Variants in HS3ST4 observed in about 807,000 individuals in gnomAD.
The protein encoded by HS3ST4 is heparan sulfate-glucosamine 3-sulfotransferase 4.
A neutral mutation model predicts 29.2 loss-of-function variants in HS3ST4; 17 were observed. The observed-to-expected ratio is 0.58, with a 90% CI of 0.40 to 0.87. The LOEUF (loss-of-function observed/expected upper bound fraction) is 0.87, where lower values mean the gene tolerates loss of function less well. HS3ST4 is among the 40% of genes least tolerant of loss of function. The pLI, the probability that HS3ST4 is intolerant of heterozygous loss-of-function variation, is 0.00. For missense variants in HS3ST4, 627 were observed against 634.5 expected, an observed-to-expected ratio of 0.99 and a Z score of 0.13; for synonymous variants, 314 against 285.7, an observed-to-expected ratio of 1.10 and a Z score of -1.00.
At chr16:25,737,645 A>G (rs149959207) in intron 1 of HS3ST4, among the ~76,000 whole-genome samples, 1,814 of 152,288 alleles carry the variant, frequency 0.012, 24 homozygotes, top group Non-Finnish European at 0.019. Context: ...AATGTACATT[A>G]CTTGAGTAAT....
At chr16:25,899,962 C>G (rs1968106317) in intron 1 of HS3ST4, among the ~76,000 whole-genome samples, 2 of 152,140 alleles carry the variant, frequency 1.3e-5, no homozygotes, top group African/African-American at 2.4e-5. Flanking sequence ...ATGAAGCTGC[C>G]AGGCCAACCC....
chr16:25,925,829 G>A (rs987059723), intron 1 of HS3ST4, among the ~76,000 whole-genome samples: 7 of 152,050 alleles, frequency 4.6e-5, no homozygotes, highest in Non-Finnish European at 7.4e-5. Context: ...CCCATGCCTC[G>A]TGGCTTGACA....
chr16:26,112,508 A>G (rs1377969193), intron 1 of HS3ST4, among the ~76,000 whole-genome samples: 1 of 151,574 alleles, frequency 6.6e-6, no homozygotes, highest in Non-Finnish European at 1.5e-5. Context: ...AAAGTGAACT[A>G]CTAGCTATGA....
chr16:25,905,348 T>TG (rs11403274), intron 1 of HS3ST4, among the ~76,000 whole-genome samples: 10,689 of 151,410 alleles, frequency 0.071, 645 homozygotes, highest in Admixed American at 0.2. Flanking sequence ...GGGCGGAGGG[T>TG]GGGGCAGGTG....
intron 1 of HS3ST4, among the ~76,000 whole-genome samples, chr16:26,088,537 A>G (rs747824845): frequency 7.2e-5 from 11 of 152,158 alleles, no homozygotes; most frequent in Non-Finnish European, 1.2e-4. Flanking sequence ...GTTTGTGATG[A>G]TTGATTGCAG....
chr16:25,981,609 CTTTTTT>C (rs376892231), intron 1 of HS3ST4, among the ~76,000 whole-genome samples: 1 of 136,826 alleles, frequency 7.3e-6, no homozygotes, highest in East Asian at 2.2e-4. Context: ...TGGTGGAGTT[CTTTTTT>C]TTTTTTTTTT....
chr16:25,999,816 A>ATATATATATTTATATATTATATATATTT (rs1969191893), intron 1 of HS3ST4, among the ~76,000 whole-genome samples: 1 of 131,028 alleles, frequency 7.6e-6, no homozygotes, highest in Non-Finnish European at 1.6e-5. Flanking sequence ...TGTATATTTT[A>ATATATATATTTATATATTATATATATTT]TATATATATT....
At chr16:26,031,517 A>G (rs1969530652) in intron 1 of HS3ST4, among the ~76,000 whole-genome samples, 1 of 152,110 alleles carries the variant, frequency 6.6e-6, no homozygotes, top group Non-Finnish European at 1.5e-5. Flanking sequence ...ACTCCACTCC[A>G]AAGGCAAGCT....
intron 1 of HS3ST4, among the ~76,000 whole-genome samples, chr16:25,773,326 G>T (rs1966844623): frequency 6.6e-6 from 1 of 152,198 alleles, no homozygotes; most frequent in South Asian, 2.1e-4. Flanking sequence ...TGTCCTGGGA[G>T]TGGGGTCTAC....
chr16:25,812,938 T>C (rs759646471), intron 1 of HS3ST4, among the ~76,000 whole-genome samples: 2 of 152,166 alleles, frequency 1.3e-5, no homozygotes, highest in African/African-American at 4.8e-5. Context: ...TTACCTCTTA[T>C]AGAAAGAATT....
At chr16:26,013,912 G>A (rs1000759682) in intron 1 of HS3ST4, among the ~76,000 whole-genome samples, 1 of 152,166 alleles carries the variant, frequency 6.6e-6, no homozygotes, top group South Asian at 2.1e-4. Flanking sequence ...GGTGGCCGAG[G>A]CAGGAGAATC....
intron 1 of HS3ST4, among the ~76,000 whole-genome samples, chr16:25,873,527 T>C (rs1302469302): frequency 6.7e-6 from 1 of 149,084 alleles, no homozygotes; most frequent in Non-Finnish European, 1.5e-5. Flanking sequence ...TCTATCTGTC[T>C]ATCTATCTAT....
intron 1 of HS3ST4, 91 bp downstream of exon 1, chr16:25,693,242 C>G: frequency 7.3e-7 from 1 of 1,369,442 alleles, no homozygotes; most frequent in Non-Finnish European, 9.7e-7. Context: ...AGCATCCAGG[C>G]ACCGTCCCGA....
At chr16:26,060,314 G>A (rs543178086) in intron 1 of HS3ST4, among the ~76,000 whole-genome samples, 16 of 152,178 alleles carry the variant, frequency 1.1e-4, no homozygotes, top group African/African-American at 3.6e-4. Flanking sequence ...GTCCACGGCT[G>A]GTAAGGTGGG....
intron 1 of HS3ST4, among the ~76,000 whole-genome samples, chr16:25,912,364 G>C (rs548837003): frequency 1.8e-4 from 28 of 152,120 alleles, no homozygotes; most frequent in Non-Finnish European, 3.8e-4. Flanking sequence ...CATTTTGACT[G>C]TGTTCTCTCA....
rs1966261177 is a variant in HS3ST4, at chr16:25,692,571, C to G, written c.154C>G (p.Leu52Val). 7.0e-7 allele frequency: 1 copy of G among 1,437,556 alleles called. No homozygotes were observed. The highest frequency in any genetic ancestry group is 9.2e-7 in the Non-Finnish European group (1 of 1,085,338). 89.1% of individuals were successfully genotyped at this position (1,437,556 alleles called of 1,614,324 possible). A position where few individuals can be genotyped will look rare whatever the true frequency, so the allele number is the denominator to read the frequency against. Residue 52 changes from leucine (L) to valine (V), a missense_variant, in exon 1 of 2, where the codon CTC becomes GTC. Around this residue, in one of 2 missense-constraint regions of HS3ST4, gnomAD observed 402 missense variants for 340.8 expected, o/e 1.18. Transcript: ENST00000331351. ...SLSVTYLCYS[L>V]LGGSGSLQFP... ...GTCTGTCACCTACCTGTGCTACAGC[C>G]TCCTGGGCGGCTCGGGCTCCCTGCA... is the stretch of plus-strand genomic sequence containing the variant.
intron 1 of HS3ST4, among the ~76,000 whole-genome samples, chr16:26,103,721 T>C (rs1217342064): frequency 6.6e-6 from 1 of 152,214 alleles, no homozygotes; most frequent in Non-Finnish European, 1.5e-5. Flanking sequence ...TAAATTTAGT[T>C]AACGACCATA....
chr16:25,709,561 C>T (rs1296402858), intron 1 of HS3ST4, among the ~76,000 whole-genome samples: 1 of 152,138 alleles, frequency 6.6e-6, no homozygotes, highest in Non-Finnish European at 1.5e-5. Context: ...CACCGGCTTG[C>T]ATGGAGATAG....
chr16:26,123,805 T>C (rs1037344901), intron 1 of HS3ST4, among the ~76,000 whole-genome samples: 9 of 152,246 alleles, frequency 5.9e-5, no homozygotes, highest in Non-Finnish European at 1.2e-4. Flanking sequence ...CTTAGATTAA[T>C]GACTTCCAGC....
Sources: allele counts gnomAD v4.1 joint callset (sites outside exome capture counted in the v4.1 genomes callset), GRCh38; gene constraint gnomAD v4.1.1; regional missense constraint gnomAD v4.1.1; transcripts MANE v1.5; gene names NCBI Gene and HGNC (gene_info 2026-07-23, HGNC 2026-07-21).